ZFPL1: variants seen among roughly 807,000 people sequenced by gnomAD.
ZFPL1 encodes the protein zinc finger protein like 1, also known as zinc finger protein-like 1.
In ZFPL1, 28 loss-of-function variants were observed where a neutral mutation model predicts 32.0. That is an observed-to-expected ratio of 0.87 (90% confidence interval 0.65 to 1.20). The LOEUF is 1.20. Among genes scored for constraint, ZFPL1 ranks in the 50% most tolerant of loss-of-function variants. ZFPL1 has a pLI of 0.00. For missense variants in ZFPL1, 386 were observed against 424.8 expected, an observed-to-expected ratio of 0.91 and a Z score of 0.80; for synonymous variants, 165 against 177.0, an observed-to-expected ratio of 0.93 and a Z score of 0.54.
chr11:65,086,057 G>GTGCC, intron 3 of ZFPL1: 1 of 355,036 alleles, frequency 2.8e-6, no homozygotes, highest in Non-Finnish European at 5.3e-6. Flanking sequence ...ATGTATATGT[G>GTGCC]TGCCTGTGTG....
In ZFPL1 at chr11:65,087,439, C is replaced by A; in HGVS notation, c.746+6C>A. ...TGGCTGGCCCGGCTGCTAAGGTACA[C>A]AGGGTCAGGCAGGGCGGAATGCCAG... On this transcript the variant is annotated splice_donor_region_variant and intron_variant, in intron 7 of 7. Coordinates refer to ENST00000294258, the MANE Select transcript of ZFPL1 (RefSeq NM_006782.4). 1 of 1,613,268 alleles carries A rather than the reference C, an allele frequency of 6.2e-7. No homozygotes were observed.
At chr11:65,084,600 C>G in intron 1 of ZFPL1, 91 bp from the exon 2 acceptor site, 1 of 1,046,010 alleles carries the variant, frequency 9.6e-7, no homozygotes, top group Non-Finnish European at 1.5e-6. Flanking sequence ...TGAGAGGTGT[C>G]TGGGGGAGTT....
intron 2 of ZFPL1, 46 bp from the exon 3 acceptor site, chr11:65,085,069 G>C (rs778406674): frequency 1.9e-6 from 3 of 1,579,340 alleles, no homozygotes; most frequent in Non-Finnish European, 8.7e-7. Flanking sequence ...GGGGTGATAG[G>C]CCGAGCAGCC....
intron 1 of ZFPL1, 37 bp downstream of exon 1, chr11:65,084,415 G>A (rs1947649141): frequency 2.0e-6 from 1 of 509,218 alleles, no homozygotes; most frequent in Non-Finnish European, 3.5e-6. Context: ...AGGGGGTGGG[G>A]CTCAGGAGAG....
Position 65,087,918 on chromosome 11 carries a change from A to T in ZFPL1, c.747-10A>T. ...TGGGGCCTGACCTGATTTTCCCCTC[A>T]TCCCCCCAGGAGCCGGGCTGGGTCT... is the stretch of plus-strand genomic sequence containing the variant. On this transcript the variant is annotated splice_polypyrimidine_tract_variant and intron_variant, in intron 7 of 7. Transcript: ENST00000294258. 1 of 1,549,134 alleles carries T rather than the reference A, an allele frequency of 6.5e-7. No individual in the cohort carries two copies. Among genetic ancestry groups the T allele is most frequent in the Non-Finnish European group, 8.6e-7 (1 of 1,161,946 alleles).
intron 3 of ZFPL1, 21 bp from the exon 4 acceptor site, chr11:65,086,394 C>T: frequency 3.1e-6 from 5 of 1,613,964 alleles, no homozygotes; most frequent in Non-Finnish European, 4.2e-6. Context: ...GTCTCTTCTC[C>T]CCTGTCTCAT....
rs1217305091 is a variant in ZFPL1 at position 65,086,514 on chromosome 11, TC to T, written c.320del (p.Pro107GlnfsTer12). ...YQCPSCNGPI[F>X]PPTNLAGPVA... ...TGCCCCAGCTGCAATGGCCCCATCT[TC>T]CCCCCAACCAACCTGGCTGGCCCCG... On this transcript the variant is annotated frameshift_variant, in exon 4 of 8. Transcript: ENST00000294258. LOFTEE classifies it high-confidence loss of function. The T allele has an allele frequency of 6.2e-7, 1 of 1,613,822 alleles. No individual in the cohort carries two copies. Among genetic ancestry groups the T allele is most frequent in the East Asian group, 2.2e-5 (1 of 44,868 alleles).
rs1295739859 is a variant in ZFPL1 at position 65,086,988 on chromosome 11, G to A, written c.542G>A (p.Ser181Asn). 3 of 1,613,990 alleles carry A rather than the reference G, an allele frequency of 1.9e-6. No individual in the cohort carries two copies. The highest frequency in any genetic ancestry group is 2.5e-6 in the Non-Finnish European group (3 of 1,179,988). Residue 181 changes from serine (S) to asparagine (N), a missense_variant, in exon 6 of 8, where the codon AGC becomes AAC. By Grantham distance (46) the Ser-to-Asn change is conservative. Transcript: ENST00000294258. Reference sequence around the variant, plus strand: ...GCCTCTGCTGCCCCAGCCTTCTACAGCCAGGCCCCCCGGCCCCCAGCTTCC... The same window carrying A: ...GCCTCTGCTGCCCCAGCCTTCTACAACCAGGCCCCCCGGCCCCCAGCTTCC... ...DSASAAPAFYSQAPRPPASPG... is the reference protein window; with the variant it reads ...DSASAAPAFYNQAPRPPASPG...
Position 65,086,609 on chromosome 11 carries a change from G to T in ZFPL1, c.408+1G>T. On this transcript the variant is annotated splice_donor_variant, in intron 4 of 7. Coordinates refer to ENST00000294258, the MANE Select transcript of ZFPL1 (RefSeq NM_006782.4). LOFTEE classifies it high-confidence loss of function. The stretch of plus-strand genomic sequence containing the variant: ...CCGGGCAGGACTGGGCCTCCCTCTG[G>T]TGAGAGTCCCTCGTCTGTCTGACCA... The T allele has an allele frequency of 1.4e-5, 22 of 1,613,792 alleles. No individual in the cohort carries two copies. The highest frequency in any genetic ancestry group is 1.9e-5 in the Non-Finnish European group (22 of 1,179,744).
At position 65,084,267 on chromosome 11, in the gene ZFPL1, G is replaced by A. The variant is rs1947646032; in HGVS notation, c.-120G>A. ...ATAATCGGGGCGGCCGGGGCTGAAGGGAGAGGCGCAGGAGCCCTGGGGAGA... is the reference window on the plus strand; with the variant it reads ...ATAATCGGGGCGGCCGGGGCTGAAGAGAGAGGCGCAGGAGCCCTGGGGAGA... On this transcript the variant is annotated 5_prime_UTR_variant, in exon 1 of 8. Transcript: ENST00000294258. 8.9e-6 allele frequency: 5 copies of A among 563,520 alleles called. No homozygotes were observed. Among genetic ancestry groups the A allele is most frequent in the Non-Finnish European group, 1.6e-5 (5 of 317,442 alleles). The allele number at this position is 563,520 out of a possible 1,614,324, so 34.9% of individuals were successfully genotyped here.
At chr11:65,087,567 G>A in intron 7 of ZFPL1, 134 bp downstream of exon 7, 1 of 833,688 alleles carries the variant, frequency 1.2e-6, no homozygotes, top group Non-Finnish European at 1.9e-6. Context: ...CTGGGGCTGT[G>A]CAGAGAGGCC....
In ZFPL1 at chr11:65,086,967, C is replaced by T; in HGVS notation, c.521C>T (p.Ser174Phe). Residue 174 changes from serine to phenylalanine, a missense_variant, in exon 6 of 8, where the codon TCT becomes TTT. Ser to Phe is a radical substitution (Grantham distance 155). Transcript: ENST00000294258. Reference sequence around the variant, plus strand: ...GGACCAGAGGAGGTAGACAGCGCCTCTGCTGCCCCAGCCTTCTACAGCCAG... The same window carrying T: ...GGACCAGAGGAGGTAGACAGCGCCTTTGCTGCCCCAGCCTTCTACAGCCAG... ...TPGPEEVDSA[S>F]AAPAFYSQAP... 2.5e-6 allele frequency: 4 copies of T among 1,614,110 alleles called. No individual in the cohort carries two copies. The highest frequency in any genetic ancestry group is 3.4e-6 in the Non-Finnish European group (4 of 1,180,000).
chr11:65,084,899 C>T, intron 2 of ZFPL1, 99 bp downstream of exon 2: 1 of 1,388,256 alleles, frequency 7.2e-7, no homozygotes, highest in Non-Finnish European at 1.0e-6. Flanking sequence ...GAATGTAAGC[C>T]CCACAAGGGC....
At position 65,086,395 on chromosome 11, in the gene ZFPL1, CCT is replaced by C. The variant is rs754196224; in HGVS notation, c.215-19_215-18del. 5.6e-6 allele frequency: 9 copies of C among 1,613,988 alleles called. No homozygotes were observed. The highest frequency in any genetic ancestry group is 2.2e-5 in the South Asian group (2 of 91,080). On this transcript the variant is annotated intron_variant, in intron 3 of 7. Transcript: ENST00000294258. Reference sequence around the variant, plus strand: ...GTCTTCTTCCTCATGTCTCTTCTCCCCTGTCTCATGGGCCCTAAGATCTCTTT... The same window carrying C: ...GTCTTCTTCCTCATGTCTCTTCTCCCGTCTCATGGGCCCTAAGATCTCTTT...
At chr11:65,086,309 C>A in intron 3 of ZFPL1, 106 bp from the exon 4 acceptor site, 1 of 1,405,820 alleles carries the variant, frequency 7.1e-7, no homozygotes, top group Non-Finnish European at 1.0e-6. Context: ...CTGGCACACA[C>A]ACATGTGTCC....
chr11:65,087,236 G>C, intron 6 of ZFPL1, 80 bp from the exon 7 acceptor site: 6 of 1,565,942 alleles, frequency 3.8e-6, no homozygotes, highest in East Asian at 2.3e-5. Context: ...TCAGACTGAG[G>C]AGAGCAGGTG....
rs780427175 is a variant in ZFPL1, at chr11:65,087,453, G to A, written c.746+20G>A. 6.2e-7 allele frequency: 1 copy of A among 1,611,602 alleles called. No individual in the cohort carries two copies. Among genetic ancestry groups the A allele is most frequent in the African/African-American group, 1.3e-5 (1 of 74,870 alleles). On this transcript the variant is annotated intron_variant, in intron 7 of 7. Coordinates refer to ENST00000294258, the MANE Select transcript of ZFPL1 (RefSeq NM_006782.4). ...GCTAAGGTACACAGGGTCAGGCAGG[G>A]CGGAATGCCAGGAAGGGGTGGAGAG...
In ZFPL1 at chr11:65,087,955, G is replaced by A. The variant is rs372319910; in HGVS notation, c.774G>A (p.Pro258=). ...GCCGGGCTGGGTCTCGGAAGCGGCC[G>A]CTGACCCTGCTCCAGCGGGCGGGGC... The part of the protein sequence containing the change: ...LRSRAGSRKR[P]LTLLQRAGLL... Residue 258 remains proline, a synonymous_variant, in exon 8 of 8, where the codon CCG becomes CCA. Transcript: ENST00000294258. 40 of 1,571,872 alleles carry A rather than the reference G, an allele frequency of 2.5e-5. No individual in the cohort carries two copies. Among genetic ancestry groups the A allele is most frequent in the Admixed American group, 1.0e-4 (5 of 49,822 alleles).
At position 65,088,314 on chromosome 11, in the gene ZFPL1, T is replaced by A; in HGVS notation, c.*200T>A. On this transcript the variant is annotated 3_prime_UTR_variant, in exon 8 of 8. Transcript: ENST00000294258. ...CCGTGGGTCAAGCATTTGTCTTGAC[T>A]TGCTTTCCTCCCGGGTCTCCAGCCT... 4 of 1,127,654 alleles carry A rather than the reference T, an allele frequency of 3.5e-6. No individual in the cohort carries two copies. Among genetic ancestry groups the A allele is most frequent in the Non-Finnish European group, 5.1e-6 (4 of 783,118 alleles). 69.9% of individuals were successfully genotyped at this position (1,127,654 alleles called of 1,614,324 possible). A position where few individuals can be genotyped will look rare whatever the true frequency, so the allele number is the denominator to read the frequency against.
Sources: allele counts gnomAD v4.1 joint callset, GRCh38; gene constraint gnomAD v4.1.1; transcripts MANE v1.5; gene names NCBI Gene and HGNC (gene_info 2026-07-23, HGNC 2026-07-21).